The following PRKG1 variants were observed in gnomAD, a reference collection of about 807,000 sequenced individuals.
The protein encoded by PRKG1 is protein kinase cGMP-dependent 1, also known as cGMP-dependent protein kinase 1.
A neutral mutation model predicts 88.1 loss-of-function variants in PRKG1; 35 were observed. That is an observed-to-expected ratio of 0.40 (90% CI 0.30 to 0.53). The LOEUF is 0.53. Ranked by LOEUF, PRKG1 falls within the 20% of genes least tolerant of loss-of-function variation. The pLI, the probability that PRKG1 is intolerant of heterozygous loss-of-function variation, is 0.59. For synonymous variants in PRKG1, 303 were observed against 292.5 expected (o/e 1.04, Z -0.37); for missense variants, 540 against 839.8 (o/e 0.64, Z 4.41).
At chr10:52,212,298 A>T (rs1839998861) in intron 9 of PRKG1, among the ~76,000 whole-genome samples, 1 of 152,218 alleles carries the variant, frequency 6.6e-6, no homozygotes, top group Non-Finnish European at 1.5e-5. Context: ...ACTGATAGAA[A>T]AGTAGGTTAC....
chr10:52,131,089 T>C (rs1837243223), intron 7 of PRKG1, among the ~76,000 whole-genome samples: 1 of 152,164 alleles, frequency 6.6e-6, no homozygotes, highest in African/African-American at 2.4e-5. Context: ...GAGGTGGGTT[T>C]AACACCAGAA....
intron 10 of PRKG1, chr10:52,252,847 A>C (rs2132403019): frequency 6.6e-6 from 1 of 151,982 alleles, no homozygotes; most frequent in Admixed American, 6.6e-5. Flanking sequence ...CTGGGAGAAA[A>C]AAAAAAAAAA....
chr10:52,226,818 T>C (rs1840400360), intron 9 of PRKG1, among the ~76,000 whole-genome samples: 1 of 152,144 alleles, frequency 6.6e-6, no homozygotes, highest in Non-Finnish European at 1.5e-5. Context: ...GGAAAACTTT[T>C]GTGAATAGGG....
chr10:51,312,291 A>G (rs769663592), intron 2 of PRKG1, among the ~76,000 whole-genome samples: 1 of 152,200 alleles, frequency 6.6e-6, no homozygotes, highest in Non-Finnish European at 1.5e-5. Flanking sequence ...ACTGGCATCT[A>G]TGATGGAACA....
At chr10:52,178,873 C>T (rs1020227038) in intron 9 of PRKG1, among the ~76,000 whole-genome samples, 7 of 150,676 alleles carry the variant, frequency 4.6e-5, no homozygotes, top group African/African-American at 1.7e-4. Flanking sequence ...CCTTTTCAGT[C>T]TGTGTGTGTC....
intron 5 of PRKG1, among the ~76,000 whole-genome samples, chr10:52,007,025 T>A (rs1202552513): frequency 6.6e-6 from 1 of 152,120 alleles, no homozygotes; most frequent in Non-Finnish European, 1.5e-5. Flanking sequence ...CCAACCAAAC[T>A]AAACTTCATA....
At chr10:51,620,756 C>G in intron 3 of PRKG1, among the ~76,000 whole-genome samples, 1 of 151,796 alleles carries the variant, frequency 6.6e-6, no homozygotes, top group East Asian at 1.9e-4. Flanking sequence ...CTATCATTAT[C>G]CTGATTTTAC....
chr10:52,043,509 T>G (rs938289491), intron 5 of PRKG1, among the ~76,000 whole-genome samples: 4 of 151,976 alleles, frequency 2.6e-5, no homozygotes, highest in Non-Finnish European at 5.9e-5. Context: ...AATGTAAAAT[T>G]TTGTTTCATA....
At chr10:51,104,522 T>C (rs1033530428) in intron 1 of PRKG1, among the ~76,000 whole-genome samples, 1 of 151,956 alleles carries the variant, frequency 6.6e-6, no homozygotes, top group Non-Finnish European at 1.5e-5. Flanking sequence ...AAAGCTGCAG[T>C]CTTTCCTTTT....
At chr10:51,742,063 A>G (rs1308035316) in intron 3 of PRKG1, among the ~76,000 whole-genome samples, 1 of 152,156 alleles carries the variant, frequency 6.6e-6, no homozygotes, top group East Asian at 1.9e-4. Context: ...TGTCTGTGGC[A>G]TTATTGTGAT....
At chr10:51,767,627 A>AT (rs563748213) in intron 3 of PRKG1, among the ~76,000 whole-genome samples, 10 of 148,994 alleles carry the variant, frequency 6.7e-5, no homozygotes, top group Non-Finnish European at 9.0e-5. Flanking sequence ...TAGCTTTTGA[A>AT]TTTTTTTTTT....
At chr10:51,865,662 A>G (rs867111415) in intron 4 of PRKG1, among the ~76,000 whole-genome samples, 3 of 152,034 alleles carry the variant, frequency 2.0e-5, no homozygotes, top group African/African-American at 4.8e-5. Flanking sequence ...ACTACAATTA[A>G]AGTAATGTAC....
Position 51,980,407 on chromosome 10 carries a change from T to C in PRKG1, c.762+72837T>C, listed in dbSNP as rs547059582. Reference sequence around the variant, plus strand: ...GAGTGTTTTGTGTCTGATTATGTGATTGATTTTACAATATGTGCCCTGTGG... The same window carrying C: ...GAGTGTTTTGTGTCTGATTATGTGACTGATTTTACAATATGTGCCCTGTGG... On this transcript the variant is annotated intron_variant, in intron 5 of 17. Transcript: ENST00000373980. Among the ~76,000 whole-genome samples the C allele has an allele frequency of 5.9e-5, 9 of 152,288 alleles. No individual in the cohort carries two copies. The East Asian group carries it at 9.6e-4, about 16-fold the overall frequency.
intron 2 of PRKG1, among the ~76,000 whole-genome samples, chr10:51,283,690 G>T (rs1232252224): frequency 6.6e-6 from 1 of 152,118 alleles, no homozygotes; most frequent in Non-Finnish European, 1.5e-5. Context: ...TGGGAATCAT[G>T]AAAGATCTTG....
rs566984745 is a variant in PRKG1 at position 51,189,897 on chromosome 10, T to C, written c.478+36567T>C. On this transcript the variant is annotated intron_variant, in intron 2 of 17. Coordinates refer to ENST00000373980, the MANE Select transcript of PRKG1 (RefSeq NM_006258.4). ...CTGTAAGGGTGGCCTACTGTGCCCA[T>C]TATGCAGGGAGAAAACTGAAGATTA... Among the ~76,000 whole-genome samples the C allele has an allele frequency of 2.3e-4, 35 of 152,026 alleles. No homozygotes were observed. In the South Asian group the frequency reaches 7.1e-3, roughly 31 times the overall value.
In PRKG1 at chr10:52,123,210, C is replaced by A. The variant is rs138643923; in HGVS notation, c.936-10630C>A. 2.0e-3 allele frequency among the ~76,000 whole-genome samples: 299 copies of A among 152,238 alleles called. 1 individual carries two copies. Among genetic ancestry groups the A allele is most frequent in the African/African-American group, 6.9e-3 (287 of 41,558 alleles). On this transcript the variant is annotated intron_variant, in intron 7 of 17. Transcript: ENST00000373980. ...ATGAAAAAAATGTGAAAATTGAATT[C>A]TTCCAACTTCTTCATTCTCTATTTA...
chr10:52,248,788 G>A (rs751308493), intron 9 of PRKG1, among the ~76,000 whole-genome samples: 3 of 151,870 alleles, frequency 2.0e-5, no homozygotes, highest in Non-Finnish European at 2.9e-5. Flanking sequence ...AAACAAAGTC[G>A]AGAGGTCTTT....
chr10:51,343,983 G>A (rs1016820602), intron 2 of PRKG1, among the ~76,000 whole-genome samples: 4 of 152,176 alleles, frequency 2.6e-5, no homozygotes, highest in East Asian at 3.8e-4. Context: ...ACATTTTTAT[G>A]TCTGGAAGAT....
chr10:51,252,210 A>G (rs1262700830), intron 2 of PRKG1, among the ~76,000 whole-genome samples: 1 of 151,818 alleles, frequency 6.6e-6, no homozygotes, highest in Non-Finnish European at 1.5e-5. Context: ...TGAGTGCTCT[A>G]TTGTATAGTA....
Sources: allele counts gnomAD v4.1 joint callset (sites outside exome capture counted in the v4.1 genomes callset), GRCh38; gene constraint gnomAD v4.1.1; transcripts MANE v1.5; gene names NCBI Gene and HGNC (gene_info 2026-07-23, HGNC 2026-07-21).